The following NTN4 variants were observed in gnomAD, a reference collection of about 807,000 sequenced individuals.
NTN4 encodes netrin 4.
A neutral mutation model predicts 73.6 loss-of-function variants in NTN4; 32 were observed. That is an observed-to-expected ratio of 0.44 (90% CI 0.33 to 0.58). The LOEUF is 0.58. Among genes scored for constraint, NTN4 ranks in the 20% least tolerant of loss-of-function variants. The pLI is 0.04. For synonymous variants in NTN4, 258 were observed against 287.5 expected, an observed-to-expected ratio of 0.90 and a Z score of 1.04; for missense variants, 654 against 798.3, an observed-to-expected ratio of 0.82 and a Z score of 2.18.
At chr12:95,763,063 T>G (rs930451759) in intron 2 of NTN4, among the ~76,000 whole-genome samples, 8 of 152,204 alleles carry the variant, frequency 5.3e-5, no homozygotes, top group Non-Finnish European at 1.2e-4. Flanking sequence ...CCTTAAGCCT[T>G]TTCATAAAGA....
chr12:95,679,244 G>A (rs1445449816), intron 7 of NTN4, among the ~76,000 whole-genome samples: 17 of 152,150 alleles, frequency 1.1e-4, no homozygotes, highest in Admixed American at 1.1e-3. Flanking sequence ...ACAATGAAAT[G>A]AAGGGACTTG....
chr12:95,752,142 C>T (rs1413823628), intron 2 of NTN4, among the ~76,000 whole-genome samples: 1 of 152,064 alleles, frequency 6.6e-6, no homozygotes, highest in African/African-American at 2.4e-5. Context: ...TTACCCCACT[C>T]AACGCCAATA....
At chr12:95,773,326 C>T (rs2079070554) in intron 2 of NTN4, among the ~76,000 whole-genome samples, 1 of 152,134 alleles carries the variant, frequency 6.6e-6, no homozygotes, top group Non-Finnish European at 1.5e-5. Context: ...TAATATCACC[C>T]AGACTAAAAA....
chr12:95,744,250 T>C (rs1033169535), intron 2 of NTN4, among the ~76,000 whole-genome samples: 6 of 152,218 alleles, frequency 3.9e-5, no homozygotes, highest in African/African-American at 1.2e-4. Flanking sequence ...GTTTTATCAG[T>C]GTATGTCCCT....
Position 95,658,972 on chromosome 12 carries a change from T to G in NTN4, c.*114A>C. 1 of 914,002 alleles carries G rather than the reference T, an allele frequency of 1.1e-6. No individual in the cohort carries two copies. Among genetic ancestry groups the G allele is most frequent in the Non-Finnish European group, 1.7e-6 (1 of 605,738 alleles). 56.6% of individuals were successfully genotyped at this position (914,002 alleles called of 1,614,324 possible). On this transcript the variant is annotated 3_prime_UTR_variant, in exon 10 of 10. Transcript: ENST00000343702. The stretch of plus-strand genomic sequence containing the variant: ...TAGATAAGACCCATGCATTCAAACA[T>G]TTCTATATGTTTTGGCACTTTAAAA...
At chr12:95,683,102 C>G (rs769468471) in intron 6 of NTN4, among the ~76,000 whole-genome samples, 15 of 152,214 alleles carry the variant, frequency 9.9e-5, no homozygotes, top group Admixed American at 5.9e-4. Flanking sequence ...TCTTGTTGCC[C>G]AGGCTGGAGT....
chr12:95,749,972 C>T (rs1406721274), intron 2 of NTN4, among the ~76,000 whole-genome samples: 2 of 148,782 alleles, frequency 1.3e-5, no homozygotes, highest in African/African-American at 4.9e-5. Flanking sequence ...CTCCTTCACC[C>T]TTAGTGGCAA....
chr12:95,687,168 C>T (rs1466300738), intron 5 of NTN4, among the ~76,000 whole-genome samples: 10 of 70,600 alleles, frequency 1.4e-4, no homozygotes. Flanking sequence ...GTCCCTATCA[C>T]AGTGCATCAT....
At chr12:95,751,407 G>A (rs1156717529) in intron 2 of NTN4, among the ~76,000 whole-genome samples, 3 of 152,048 alleles carry the variant, frequency 2.0e-5, no homozygotes, top group Admixed American at 6.5e-5. Flanking sequence ...GAACCGCAGC[G>A]GCCAGGCGTT....
chr12:95,693,397 G>T (rs2078416226), intron 5 of NTN4, among the ~76,000 whole-genome samples: 1 of 152,006 alleles, frequency 6.6e-6, no homozygotes, highest in Non-Finnish European at 1.5e-5. Flanking sequence ...ATGGAATTAA[G>T]TTACTCTCCT....
At chr12:95,756,685 A>G (rs2078949520) in intron 2 of NTN4, among the ~76,000 whole-genome samples, 1 of 151,812 alleles carries the variant, frequency 6.6e-6, no homozygotes, top group Non-Finnish European at 1.5e-5. Context: ...TCTGGTGGAA[A>G]TTGCCTGTAT....
At chr12:95,786,155 T>C (rs1381180032) in intron 2 of NTN4, among the ~76,000 whole-genome samples, 1 of 152,212 alleles carries the variant, frequency 6.6e-6, no homozygotes, top group Admixed American at 6.5e-5. Context: ...TTTTCCTGAA[T>C]CAGTATTTCT....
In NTN4 at chr12:95,725,006, A is replaced by AGGATTTTTT. The variant is rs1454896864; in HGVS notation, c.865-11669_865-11668insAAAAAATCC. Among the ~76,000 whole-genome samples the AGGATTTTTT allele has an allele frequency of 3.1e-4, 42 of 135,854 alleles. 3 individuals carry two copies. The highest frequency in any genetic ancestry group is 4.2e-4 in the Non-Finnish European group (26 of 62,462). 89.1% of individuals were successfully genotyped at this position (135,854 alleles called of 152,430 possible). A position where few individuals can be genotyped will look rare whatever the true frequency, so the allele number is the denominator to read the frequency against. On this transcript the variant is annotated intron_variant, in intron 3 of 9. Transcript: ENST00000343702. ...ATCTTAGAACAGTGATGTCATCAGGATTTTTTTTTTTTTTTTGCTTCCCAC... is the reference window on the plus strand; with the variant it reads ...ATCTTAGAACAGTGATGTCATCAGGAGGATTTTTTTTTTTTTTTTTTTTTTGCTTCCCAC...
intron 8 of NTN4, 71 bp from the exon 9 acceptor site, chr12:95,666,051 G>T: frequency 2.6e-6 from 3 of 1,149,502 alleles, no homozygotes; most frequent in Non-Finnish European, 3.7e-6. Context: ...ACTCAAGTAT[G>T]CATTTCAGAA....
At chr12:95,783,705 T>A (rs184700930) in intron 2 of NTN4, among the ~76,000 whole-genome samples, 2 of 152,342 alleles carry the variant, frequency 1.3e-5, no homozygotes, top group Admixed American at 1.3e-4. Context: ...GGGCAAATCA[T>A]TTTAGCTCAA....
At chr12:95,680,083 A>C (rs1488620786) in intron 7 of NTN4, among the ~76,000 whole-genome samples, 1 of 152,202 alleles carries the variant, frequency 6.6e-6, no homozygotes, top group Non-Finnish European at 1.5e-5. Context: ...AACATATCTT[A>C]TTCCCTGTCC....
intron 2 of NTN4, among the ~76,000 whole-genome samples, chr12:95,748,476 C>CTTTTTTTTT (rs762351453): frequency 1.9e-5 from 2 of 105,948 alleles, no homozygotes; most frequent in African/African-American, 3.5e-5. Context: ...ATTTTCTTTT[C>CTTTTTTTTT]TTTTTTTTTT....
At chr12:95,788,910 C>T (rs1315821200) in intron 1 of NTN4, among the ~76,000 whole-genome samples, 1 of 152,162 alleles carries the variant, frequency 6.6e-6, no homozygotes, top group Non-Finnish European at 1.5e-5. Context: ...ACTTGAAACA[C>T]TTGCCTTGTG....
At chr12:95,714,170 G>A (rs1437891192) in intron 3 of NTN4, among the ~76,000 whole-genome samples, 1 of 151,942 alleles carries the variant, frequency 6.6e-6, no homozygotes, top group East Asian at 1.9e-4. Flanking sequence ...AGAAACATGG[G>A]AATTTTAATA....
Sources: allele counts gnomAD v4.1 joint callset (sites outside exome capture counted in the v4.1 genomes callset), GRCh38; gene constraint gnomAD v4.1.1; transcripts MANE v1.5; gene names NCBI Gene and HGNC (gene_info 2026-07-23, HGNC 2026-07-21).